The following DOCK3 variants were observed in gnomAD, a reference collection of about 807,000 sequenced individuals.
DOCK3 encodes the protein dedicator of cytokinesis protein 3.
Under a neutral mutation model 265.6 loss-of-function variants are expected in DOCK3, and 60 were observed. The observed-to-expected ratio is 0.23, with a 90% confidence interval of 0.18 to 0.28. The LOEUF is 0.28. Among genes scored for constraint, DOCK3 ranks in the 10% least tolerant of loss-of-function variants. The pLI is 1.00. For synonymous variants in DOCK3, 881 were observed against 938.0 expected (o/e 0.94, Z 1.11); for missense variants, 1,981 against 2,594.3 (o/e 0.76, Z 5.14).
At chr3:51,010,660 T>A (rs528653852) in intron 5 of DOCK3, among the ~76,000 whole-genome samples, 1 of 152,320 alleles carries the variant, frequency 6.6e-6, no homozygotes, top group Non-Finnish European at 1.5e-5. Flanking sequence ...GATCCTGTCA[T>A]TATGATGTTA....
intron 9 of DOCK3, among the ~76,000 whole-genome samples, chr3:51,103,920 A>G (rs2083178642): frequency 6.6e-6 from 1 of 152,200 alleles, no homozygotes; most frequent in Non-Finnish European, 1.5e-5. Context: ...ATAATGGGGG[A>G]TGAGGGAGAA....
intron 5 of DOCK3, among the ~76,000 whole-genome samples, chr3:51,003,889 CAAAAAATTAATACACTTAAAGT>C (rs1277588380): frequency 6.6e-6 from 1 of 152,032 alleles, no homozygotes; most frequent in Non-Finnish European, 1.5e-5. Flanking sequence ...AGGATATTAC[CAAAAAATTAATACACTTAAAGT>C]AAAAACAACA....
At position 50,900,761 on chromosome 3, in the gene DOCK3, A is replaced by G. The variant is rs567760732; in HGVS notation, c.218+10680A>G. The G allele has an allele frequency of 1.2e-4, 55 of 445,298 alleles. 1 individual carries two copies. Among genetic ancestry groups the G allele is most frequent in the Non-Finnish European group, 2.4e-4 (53 of 223,376 alleles). The allele number at this position is 445,298 out of a possible 1,614,324, so 27.6% of individuals were successfully genotyped here. A position where few individuals can be genotyped will look rare whatever the true frequency, so the allele number is the denominator to read the frequency against. On this transcript the variant is annotated intron_variant, in intron 4 of 52. Coordinates refer to ENST00000266037, the MANE Select transcript of DOCK3 (RefSeq NM_004947.5). ...CTGCTGCAGGTCTGCTGGAGTTTGC[A>G]GGAGGTCCACTTCAGACCCTGCCCC... is the stretch of plus-strand genomic sequence containing the variant.
chr3:50,877,797 C>A (rs1323601181), intron 3 of DOCK3: 1 of 279,422 alleles, frequency 3.6e-6, no homozygotes, highest in African/African-American at 2.3e-5. Flanking sequence ...CCTCAGCCTC[C>A]TGAGTAGCTG....
intron 5 of DOCK3, among the ~76,000 whole-genome samples, chr3:50,958,357 A>C (rs1477718813): frequency 6.6e-6 from 1 of 152,148 alleles, no homozygotes. Context: ...AAATCATTCC[A>C]CCAAGCCAGC....
Position 50,839,934 on chromosome 3 carries a change from AATT to A in DOCK3, c.122-1740_122-1738del, listed in dbSNP as rs996196688. ...CAGGTGTGCGCCACCATGCCTGGCT[AATT>A]TTTGTATTTTTAGTAGAGATGGGGT... On this transcript the variant is annotated intron_variant, in intron 2 of 52. Coordinates refer to ENST00000266037, the MANE Select transcript of DOCK3 (RefSeq NM_004947.5). 5.3e-5 allele frequency among the ~76,000 whole-genome samples: 8 copies of A among 150,260 alleles called. No homozygotes were observed. In the South Asian group the frequency reaches 1.7e-3, roughly 32 times the overall value.
intron 19 of DOCK3, among the ~76,000 whole-genome samples, chr3:51,231,016 T>C (rs1241106918): frequency 6.6e-6 from 1 of 151,898 alleles, no homozygotes; most frequent in African/African-American, 2.4e-5. Context: ...TTTTTATAAA[T>C]CTCCAAACTG....
At chr3:51,161,548 G>A (rs925955315) in intron 12 of DOCK3, among the ~76,000 whole-genome samples, 2 of 152,162 alleles carry the variant, frequency 1.3e-5, no homozygotes, top group African/African-American at 4.8e-5. Flanking sequence ...AAGCTTCCCA[G>A]GTAATTCTGA....
intron 5 of DOCK3, among the ~76,000 whole-genome samples, chr3:50,963,889 A>G (rs2076956535): frequency 6.6e-6 from 1 of 152,164 alleles, no homozygotes; most frequent in Non-Finnish European, 1.5e-5. Context: ...TGAAGAGGAG[A>G]GAGCTTCAAG....
intron 12 of DOCK3, among the ~76,000 whole-genome samples, chr3:51,192,061 C>G (rs1331686630): frequency 1.3e-5 from 2 of 150,826 alleles, no homozygotes; most frequent in Admixed American, 1.3e-4. Flanking sequence ...ACACAACATC[C>G]CCTTTTGCTG....
At chr3:50,754,212 C>T (rs190945375) in intron 1 of DOCK3, among the ~76,000 whole-genome samples, 18 of 145,630 alleles carry the variant, frequency 1.2e-4, no homozygotes, top group East Asian at 8.1e-4. Context: ...CCAAATACTG[C>T]GTGTTTTCAC....
intron 9 of DOCK3, among the ~76,000 whole-genome samples, chr3:51,112,194 C>A (rs915529650): frequency 1.3e-5 from 2 of 152,164 alleles, no homozygotes; most frequent in Admixed American, 6.5e-5. Context: ...TTTGACTAAG[C>A]AATCCCATTA....
chr3:51,381,133 C>T lies in DOCK3; in HGVS notation c.5667C>T (p.Ala1889=), dbSNP rs2088601584. The T allele has an allele frequency of 6.2e-7, 1 of 1,613,938 alleles. No individual in the cohort carries two copies. Among genetic ancestry groups the T allele is most frequent in the Admixed American group, 1.7e-5 (1 of 60,026 alleles). Residue 1889 remains alanine, a synonymous_variant, in exon 53 of 53, where the codon GCC becomes GCT. Transcript: ENST00000266037. This position sits in a 1 kb window ranked among gnomAD's most constrained non-coding sequence, Gnocchi z 5.6. ...GCAACTCTACGCTGTCCGGCAGTGC[C>T]AGCAGCGGCGTGTCCTCCTTGAGTG... is the stretch of plus-strand genomic sequence containing the variant. ...DGSNSTLSGS[A]SSGVSSLSES...
At chr3:51,166,860 A>G (rs2086433020) in intron 12 of DOCK3, among the ~76,000 whole-genome samples, 3 of 152,212 alleles carry the variant, frequency 2.0e-5, no homozygotes, top group Non-Finnish European at 4.4e-5. Flanking sequence ...AGTTTTAGAT[A>G]TTAATCCCCT....
intron 3 of DOCK3, among the ~76,000 whole-genome samples, chr3:50,885,128 T>C (rs1023502089): frequency 4.6e-5 from 7 of 152,188 alleles, no homozygotes; most frequent in African/African-American, 1.7e-4. Context: ...GAATATCATA[T>C]AGGTGGAGTC....
chr3:51,228,027 C>A lies in DOCK3; in HGVS notation c.1586C>A (p.Thr529Asn), dbSNP rs961720693. The change falls in exon 17 of 53, where the codon ACC (threonine) becomes AAC (asparagine). Residue 529 changes from threonine to asparagine, a missense_variant. This residue lies in a region of DOCK3 where 1,357 missense variants were observed against 1,866.8 expected (regional missense o/e 0.73). Coordinates refer to ENST00000266037, the MANE Select transcript of DOCK3 (RefSeq NM_004947.5). ...EKKLFGFAFS[T>N]LMRDDGTTLS... ...AAACTCTTTGGCTTTGCATTCTCAA[C>A]CCTGATGCGTGATGATGGCACCACC... 6.2e-7 allele frequency: 1 copy of A among 1,614,038 alleles called. No individual in the cohort carries two copies. The highest frequency in any genetic ancestry group is 1.7e-5 in the Admixed American group (1 of 60,026).
In DOCK3 at chr3:50,675,317, C is replaced by A; in HGVS notation, c.37+17C>A. On this transcript the variant is annotated intron_variant, in intron 1 of 52. Coordinates refer to ENST00000266037, the MANE Select transcript of DOCK3 (RefSeq NM_004947.5). This position sits in a 1 kb window ranked among gnomAD's most constrained non-coding sequence, Gnocchi z 6.1. The stretch of plus-strand genomic sequence containing the variant: ...ACGGCGTAGGTAGGTGAGGCTCAGG[C>A]CTGGCCGTGGCGGGGGTTCTGGGGG... The A allele has an allele frequency of 1.6e-6, 2 of 1,254,856 alleles. No homozygotes were observed. Among genetic ancestry groups the A allele is most frequent in the Admixed American group, 3.5e-5 (1 of 28,386 alleles). The allele number at this position is 1,254,856 out of a possible 1,614,324, so 77.7% of individuals were successfully genotyped here. A position where few individuals can be genotyped will look rare whatever the true frequency, so the allele number is the denominator to read the frequency against.
intron 27 of DOCK3, among the ~76,000 whole-genome samples, chr3:51,282,983 T>C (rs1228495576): frequency 5.9e-5 from 9 of 152,206 alleles, no homozygotes; most frequent in Admixed American, 4.6e-4. Context: ...AAAAGAATTA[T>C]ATAACATGAT....
intron 51 of DOCK3, among the ~76,000 whole-genome samples, chr3:51,376,732 A>G (rs1358968199): frequency 6.6e-6 from 1 of 152,100 alleles, no homozygotes; most frequent in Non-Finnish European, 1.5e-5. Context: ...TCATCACGTT[A>G]TCATCGTATC....
Sources: gnomAD v4.1 joint callset for allele counts (sites outside exome capture counted in the v4.1 genomes callset) on GRCh38, gnomAD v4.1.1 for gene constraint, gnomAD v4.1.1 regional missense constraint, Gnocchi (gnomAD v3.1) non-coding constraint, MANE v1.5 for transcripts, NCBI Gene and HGNC (gene_info 2026-07-23, HGNC 2026-07-21) for gene names.